Variants in UNC13B observed in about 807,000 individuals in gnomAD.
UNC13B encodes unc-13 homolog B.
A neutral mutation model predicts 211.0 loss-of-function variants in UNC13B; 144 were observed. The ratio of observed to expected loss-of-function variants is 0.68; its 90% CI spans 0.60 to 0.78. The LOEUF is 0.78. Among genes scored for constraint, UNC13B ranks in the 30% least tolerant of loss-of-function variants. The probability of loss-of-function intolerance (pLI) is 0.00; values close to 1 mark genes in which losing one functional copy is unlikely to be tolerated. For synonymous variants in UNC13B, 709 were observed against 725.8 expected (o/e 0.98, Z 0.37); for missense variants, 1,777 against 2,002.0 (o/e 0.89, Z 2.14).
rs773644789 is a variant in UNC13B, at chr9:35,384,281, C to G, written c.10842C>G (p.His3614Gln). The change falls in exon 22 of 40, where the codon CAC becomes CAG. Residue 3614 changes from histidine (H) to glutamine (Q), a missense_variant. Transcript: ENST00000635942. ...TTGTAAAACTGCTGGACCAGCTACACAACTCACTGAGGATCGACCTCTCTA... is the reference window on the plus strand; with the variant it reads ...TTGTAAAACTGCTGGACCAGCTACAGAACTCACTGAGGATCGACCTCTCTA... Reference protein sequence around the residue: ...ERFVKLLDQLHNSLRIDLSTY... With the variant: ...ERFVKLLDQLQNSLRIDLSTY... 1 of 1,614,058 alleles carries G rather than the reference C, an allele frequency of 6.2e-7. No individual in the cohort carries two copies. The highest frequency in any genetic ancestry group is 8.5e-7 in the Non-Finnish European group (1 of 1,179,982).
chr9:35,218,843 G>A (rs558919817), intron 1 of UNC13B, among the ~76,000 whole-genome samples: 4 of 151,718 alleles, frequency 2.6e-5, no homozygotes, highest in Non-Finnish European at 5.9e-5. Context: ...TCTGCTTCCC[G>A]GGTTCAAGTG....
At chr9:35,264,835 G>A (rs1827477184) in intron 7 of UNC13B, among the ~76,000 whole-genome samples, 1 of 152,148 alleles carries the variant, frequency 6.6e-6, no homozygotes, top group African/African-American at 2.4e-5. Context: ...CTTTGGACTT[G>A]CTTAGGACCT....
At chr9:35,238,770 C>G (rs2131539732) in intron 5 of UNC13B, among the ~76,000 whole-genome samples, 1 of 152,222 alleles carries the variant, frequency 6.6e-6, no homozygotes, top group South Asian at 2.1e-4. Context: ...GTTGGTCAGG[C>G]TGGTCTTGAA....
chr9:35,364,556 G>A (rs767887691), intron 11 of UNC13B: 16 of 1,535,924 alleles, frequency 1.0e-5, no homozygotes, highest in Non-Finnish European at 1.4e-5. Flanking sequence ...AGAAAAGCGA[G>A]GAGCCCTTCA....
chr9:35,287,228 G>A (rs1167417589), intron 7 of UNC13B, among the ~76,000 whole-genome samples: 1 of 151,716 alleles, frequency 6.6e-6, no homozygotes, highest in African/African-American at 2.4e-5. Flanking sequence ...CAGCTCCTGG[G>A]TTCAAGTGAT....
intron 13 of UNC13B, among the ~76,000 whole-genome samples, chr9:35,374,452 C>T (rs1834261327): frequency 2.3e-5 from 3 of 133,322 alleles, no homozygotes; most frequent in Admixed American, 2.2e-4. Context: ...AAGAGTGTGG[C>T]TAGCAAGGCA....
At chr9:35,364,129 T>A (rs1442150847) in intron 11 of UNC13B, among the ~76,000 whole-genome samples, 1 of 148,062 alleles carries the variant, frequency 6.8e-6, no homozygotes, top group Non-Finnish European at 1.5e-5. Context: ...TAGAATAAGC[T>A]CACGTGGCTT....
intron 1 of UNC13B, among the ~76,000 whole-genome samples, chr9:35,183,797 T>C: frequency 9.0e-6 from 1 of 110,634 alleles, no homozygotes; most frequent in African/African-American, 3.6e-5. Flanking sequence ...GCTCCTCACA[T>C]CCCAGACGAT....
At chr9:35,367,298 G>A (rs944722294) in intron 12 of UNC13B, among the ~76,000 whole-genome samples, 2 of 152,126 alleles carry the variant, frequency 1.3e-5, no homozygotes, top group African/African-American at 4.8e-5. Flanking sequence ...TACTCTTTAA[G>A]TAGAACAAAG....
chr9:35,307,688 C>T lies in UNC13B; in HGVS notation c.8284C>T (p.Arg2762Cys), dbSNP rs1235232119. Residue 2762 changes from arginine to cysteine, a missense_variant, in exon 9 of 40, where the codon CGT becomes TGT. Physicochemically the swap from Arg to Cys is radical, Grantham distance 180 (BLOSUM62 -3). Coordinates refer to ENST00000635942, the MANE Select transcript of UNC13B (RefSeq NM_001371189.2). ...CCAGGAAACAGAGCAGTCAAGACCA[C>T]GTTTTGAGATCCCAAATGTGACCAC... ...VPQETEQSRP[R>C]FEIPNVTTWP... is the part of the protein sequence containing the mutation. 1.3e-5 allele frequency: 5 copies of T among 398,908 alleles called. No individual in the cohort carries two copies. Among genetic ancestry groups the T allele is most frequent in the East Asian group, 3.6e-5 (1 of 28,078 alleles). 24.7% of individuals were successfully genotyped at this position (398,908 alleles called of 1,614,324 possible).
chr9:35,369,144 A>G (rs546752006), intron 12 of UNC13B, among the ~76,000 whole-genome samples: 11 of 152,310 alleles, frequency 7.2e-5, no homozygotes, highest in African/African-American at 2.6e-4. Context: ...AAATCAGCAT[A>G]TTGAGTGGCC....
intron 37 of UNC13B, chr9:35,402,055 A>G: frequency 6.5e-7 from 1 of 1,529,884 alleles, no homozygotes; most frequent in Non-Finnish European, 8.9e-7. Context: ...GCTAACACTG[A>G]CCCCTGGGAG....
At chr9:35,289,748 G>A (rs1409820967) in intron 7 of UNC13B, among the ~76,000 whole-genome samples, 4 of 152,034 alleles carry the variant, frequency 2.6e-5, no homozygotes, top group Admixed American at 6.5e-5. Context: ...AGGCTGAGGC[G>A]GGTGGATCAC....
chr9:35,211,062 T>A (rs1823940896), intron 1 of UNC13B, among the ~76,000 whole-genome samples: 1 of 152,188 alleles, frequency 6.6e-6, no homozygotes, highest in South Asian at 2.1e-4. Context: ...TTTGGCAGTT[T>A]TGTGTGGCAA....
intron 11 of UNC13B, among the ~76,000 whole-genome samples, chr9:35,339,797 G>A (rs1831876249): frequency 6.6e-6 from 1 of 152,274 alleles, no homozygotes; most frequent in African/African-American, 2.4e-5. Flanking sequence ...AAGACAGGGT[G>A]GGTTCCATTA....
At chr9:35,197,062 A>G (rs1287609022) in intron 1 of UNC13B, among the ~76,000 whole-genome samples, 1 of 151,982 alleles carries the variant, frequency 6.6e-6, no homozygotes, top group Non-Finnish European at 1.5e-5. Flanking sequence ...TGACCTACTG[A>G]ACCTGGCCTA....
chr9:35,179,448 A>G (rs935757567), intron 1 of UNC13B, among the ~76,000 whole-genome samples: 9 of 152,236 alleles, frequency 5.9e-5, no homozygotes, highest in South Asian at 2.1e-4. Context: ...GAATCTCGCT[A>G]GGTAGTGACT....
At chr9:35,333,842 A>T (rs1197809475) in intron 11 of UNC13B, among the ~76,000 whole-genome samples, 1 of 152,250 alleles carries the variant, frequency 6.6e-6, no homozygotes, top group African/African-American at 2.4e-5. Flanking sequence ...CCCAAAGAAG[A>T]ATAAGCACTG....
Position 35,397,293 on chromosome 9 carries a change from A to G in UNC13B, c.11659A>G (p.Met3887Val). The change falls in exon 29 of 40, where the codon ATG becomes GTG. Residue 3887 changes from methionine (M) to valine (V), a missense_variant. Met to Val is a conservative substitution (Grantham distance 21, BLOSUM62 1). Transcript: ENST00000635942. ...AGACCCCAGCATCCTTGCCCACTAC[A>G]TGAGGAGGTTTGCTAAGGTGACCAT... Reference protein sequence around the residue: ...CPDPSILAHYMRRFAKTIGKV... With the variant: ...CPDPSILAHYVRRFAKTIGKV... The G allele has an allele frequency of 1.2e-6, 2 of 1,614,046 alleles. No homozygotes were observed. The highest frequency in any genetic ancestry group is 1.7e-6 in the Non-Finnish European group (2 of 1,179,998).
Sources: allele counts gnomAD v4.1 joint callset (sites outside exome capture counted in the v4.1 genomes callset), GRCh38; gene constraint gnomAD v4.1.1; transcripts MANE v1.5; gene names NCBI Gene and HGNC (gene_info 2026-07-23, HGNC 2026-07-21).